ARHGAP15: variants seen among roughly 807,000 people sequenced by gnomAD.
ARHGAP15 encodes Rho GTPase activating protein 15, also known as rho GTPase-activating protein 15.
Under a neutral mutation model 63.7 loss-of-function variants are expected in ARHGAP15, and 51 were observed. The observed-to-expected ratio is 0.80, with a 90% confidence interval of 0.64 to 1.01. The LOEUF is 1.01. Among genes scored for constraint, ARHGAP15 ranks in the 50% least tolerant of loss-of-function variants. The pLI is 0.00. For synonymous variants in ARHGAP15, 191 were observed against 193.8 expected (o/e 0.99, Z 0.12); for missense variants, 560 against 564.6 (o/e 0.99, Z 0.08).
At chr2:143,706,699 T>G (rs1042007469) in intron 13 of ARHGAP15, 2 of 152,202 alleles carry the variant, frequency 1.3e-5, no homozygotes, top group African/African-American at 4.8e-5. Flanking sequence ...GTCCAGAGTC[T>G]TCATTCTTAA....
intron 6 of ARHGAP15, among the ~76,000 whole-genome samples, chr2:143,327,248 G>A (rs1684294451): frequency 6.6e-6 from 1 of 151,932 alleles, no homozygotes; most frequent in Admixed American, 6.6e-5. Context: ...CCACTGTGAG[G>A]ACACAAACAA....
intron 12 of ARHGAP15, among the ~76,000 whole-genome samples, chr2:143,660,412 GAACC>G (rs2105320675): frequency 6.6e-6 from 1 of 152,274 alleles, no homozygotes; most frequent in South Asian, 2.1e-4. Flanking sequence ...CAGAATTTGG[GAACC>G]AACAAAGGGA....
chr2:143,483,633 G>GCTGT (rs2105218842), intron 8 of ARHGAP15, among the ~76,000 whole-genome samples: 1 of 152,324 alleles, frequency 6.6e-6, no homozygotes, highest in South Asian at 2.1e-4. Flanking sequence ...TTTGACTACA[G>GCTGT]CTGTCAGTTG....
intron 12 of ARHGAP15, among the ~76,000 whole-genome samples, chr2:143,657,216 T>G (rs1453625314): frequency 1.3e-5 from 2 of 152,052 alleles, no homozygotes; most frequent in Non-Finnish European, 2.9e-5. Context: ...GCGTTGCGGC[T>G]GGCGCTTGTA....
chr2:143,265,091 A>G (rs1267158070), intron 6 of ARHGAP15, among the ~76,000 whole-genome samples: 2 of 152,218 alleles, frequency 1.3e-5, no homozygotes, highest in Non-Finnish European at 1.5e-5. Context: ...AGGTGGAGGC[A>G]ATATAATTTG....
intron 11 of ARHGAP15, among the ~76,000 whole-genome samples, chr2:143,620,801 C>T (rs1698618811): frequency 6.6e-6 from 1 of 152,152 alleles, no homozygotes; most frequent in African/African-American, 2.4e-5. Flanking sequence ...TAGCACAGTC[C>T]CTGGTACAGT....
chr2:143,405,842 A>G (rs192313824), intron 6 of ARHGAP15, among the ~76,000 whole-genome samples: 1 of 151,996 alleles, frequency 6.6e-6, no homozygotes, highest in East Asian at 1.9e-4. Context: ...TGAAGTCAGC[A>G]TGTTTTGCTC....
At position 143,398,776 on chromosome 2, in the gene ARHGAP15, A is replaced by T. The variant is rs1247090989; in HGVS notation, c.475-36825A>T. ...TTTATAATAAATGAAAAAAATCCTC[A>T]TTTTTTTTTTTGAAATGGTTTCTGG... is the stretch of plus-strand genomic sequence containing the variant. On this transcript the variant is annotated intron_variant, in intron 6 of 13. Coordinates refer to ENST00000295095, the MANE Select transcript of ARHGAP15 (RefSeq NM_018460.4). Among the ~76,000 whole-genome samples the T allele has an allele frequency of 9.4e-5, 14 of 148,850 alleles. 1 individual carries two copies. Among genetic ancestry groups the T allele is most frequent in the Admixed American group, 7.4e-4 (11 of 14,862 alleles).
chr2:143,544,705 T>A (rs897213647), intron 10 of ARHGAP15, among the ~76,000 whole-genome samples: 4 of 152,212 alleles, frequency 2.6e-5, no homozygotes, highest in Non-Finnish European at 4.4e-5. Flanking sequence ...ACACAATATC[T>A]GTCAAATTGC....
intron 6 of ARHGAP15, 33 bp downstream of exon 6, chr2:143,250,633 A>G (rs758288301): frequency 2.6e-6 from 4 of 1,554,846 alleles, no homozygotes; most frequent in African/African-American, 2.7e-5. Flanking sequence ...ATTTATTCCT[A>G]TTCTCTCTAA....
intron 6 of ARHGAP15, among the ~76,000 whole-genome samples, chr2:143,291,387 T>TC (rs2105118902): frequency 6.6e-6 from 1 of 151,614 alleles, no homozygotes; most frequent in African/African-American, 2.4e-5. Context: ...ACAGTTTCTC[T>TC]CCCTCCCTCC....
chr2:143,267,076 C>A (rs892614681), intron 6 of ARHGAP15, among the ~76,000 whole-genome samples: 2 of 152,146 alleles, frequency 1.3e-5, no homozygotes, highest in Admixed American at 1.3e-4. Context: ...AAGGAAGTCA[C>A]AGAGCCAACA....
intron 8 of ARHGAP15, among the ~76,000 whole-genome samples, chr2:143,450,930 G>A (rs1407378934): frequency 6.6e-6 from 1 of 151,682 alleles, no homozygotes; most frequent in African/African-American, 2.4e-5. Flanking sequence ...TATTTCAGTG[G>A]GCTAATCCCC....
At chr2:143,605,872 A>AAAAAAC (rs1697982672) in intron 11 of ARHGAP15, among the ~76,000 whole-genome samples, 1 of 145,778 alleles carries the variant, frequency 6.9e-6, no homozygotes, top group Admixed American at 6.8e-5. Flanking sequence ...AAAAAAAAAA[A>AAAAAAC]AAAAAAAAAA....
At chr2:143,522,585 CAT>C (rs1426566733) in intron 10 of ARHGAP15, among the ~76,000 whole-genome samples, 1 of 152,116 alleles carries the variant, frequency 6.6e-6, no homozygotes, top group African/African-American at 2.4e-5. Flanking sequence ...AGGAAACAAG[CAT>C]GTAGAGCAGG....
At chr2:143,288,641 C>A (rs1327873387) in intron 6 of ARHGAP15, among the ~76,000 whole-genome samples, 1 of 149,520 alleles carries the variant, frequency 6.7e-6, no homozygotes, top group Non-Finnish European at 1.5e-5. Flanking sequence ...TTTTTGTCTG[C>A]AGACACCTTA....
chr2:143,174,379 A>T (rs1187108996), intron 2 of ARHGAP15, among the ~76,000 whole-genome samples: 2 of 152,158 alleles, frequency 1.3e-5, no homozygotes, highest in African/African-American at 4.8e-5. Context: ...CTTTGAGAGC[A>T]CTGTGTTCCA....
intron 6 of ARHGAP15, among the ~76,000 whole-genome samples, chr2:143,367,946 G>A (rs908063643): frequency 6.6e-6 from 1 of 151,958 alleles, no homozygotes; most frequent in Admixed American, 6.6e-5. Context: ...ATTTACCTGA[G>A]GTCAGAAAAG....
chr2:143,258,953 T>A (rs528253824), intron 6 of ARHGAP15, among the ~76,000 whole-genome samples: 81 of 152,110 alleles, frequency 5.3e-4, no homozygotes, highest in African/African-American at 1.9e-3. Context: ...CTGAAGCACC[T>A]TGAAAACGGA....
Sources: allele counts gnomAD v4.1 joint callset (sites outside exome capture counted in the v4.1 genomes callset), GRCh38; gene constraint gnomAD v4.1.1; transcripts MANE v1.5; gene names NCBI Gene and HGNC (gene_info 2026-07-23, HGNC 2026-07-21).